The following ARHGAP24 variants were observed in gnomAD, a reference collection of about 807,000 sequenced individuals.
The protein encoded by ARHGAP24 is rho GTPase-activating protein 24.
Under a neutral mutation model 76.4 loss-of-function variants are expected in ARHGAP24, and 50 were observed. That is an observed-to-expected ratio of 0.65 (90% CI 0.52 to 0.83). ARHGAP24 has a LOEUF of 0.83. Ranked by LOEUF, ARHGAP24 falls within the 40% of genes least tolerant of loss-of-function variation. The probability of loss-of-function intolerance (pLI) is 0.00; values close to 1 mark genes in which losing one functional copy is unlikely to be tolerated. For missense variants in ARHGAP24, 930 were observed against 914.2 expected (o/e 1.02, Z -0.22); for synonymous variants, 345 against 323.3 (o/e 1.07, Z -0.72).
chr4:85,841,190 A>G (rs796587313), intron 3 of ARHGAP24, among the ~76,000 whole-genome samples: 17 of 152,306 alleles, frequency 1.1e-4, no homozygotes, highest in African/African-American at 4.1e-4. Context: ...CTTATTGGGC[A>G]TATTGCTTTC....
At chr4:85,680,264 C>G (rs1421452137) in intron 2 of ARHGAP24, among the ~76,000 whole-genome samples, 1 of 152,132 alleles carries the variant, frequency 6.6e-6, no homozygotes, top group Non-Finnish European at 1.5e-5. Flanking sequence ...TTGAACAACT[C>G]TCATTTCAAA....
intron 2 of ARHGAP24, among the ~76,000 whole-genome samples, chr4:85,607,668 A>ATTTTC (rs201732134): frequency 1.4e-4 from 21 of 146,596 alleles, no homozygotes; most frequent in East Asian, 5.9e-4. Context: ...GTCAAGCATT[A>ATTTTC]TTTTCTTTTC....
intron 3 of ARHGAP24, among the ~76,000 whole-genome samples, chr4:85,822,498 A>G (rs1729516570): frequency 6.6e-6 from 1 of 152,208 alleles, no homozygotes; most frequent in South Asian, 2.1e-4. Flanking sequence ...GCAAACAAAA[A>G]TACAAAATAA....
intron 3 of ARHGAP24, among the ~76,000 whole-genome samples, chr4:85,819,936 G>A (rs571852924): frequency 6.6e-6 from 1 of 150,528 alleles, no homozygotes; most frequent in East Asian, 1.9e-4. Flanking sequence ...CCAAGTAGAT[G>A]CCAGCATCAT....
intron 3 of ARHGAP24, among the ~76,000 whole-genome samples, chr4:85,867,314 C>A (rs1316006266): frequency 6.6e-6 from 1 of 152,020 alleles, no homozygotes; most frequent in African/African-American, 2.4e-5. Context: ...TAATCTTTAA[C>A]ATGTGGAAGT....
intron 4 of ARHGAP24, among the ~76,000 whole-genome samples, chr4:85,934,586 T>C (rs2148819589): frequency 6.6e-6 from 1 of 152,222 alleles, no homozygotes; most frequent in African/African-American, 2.4e-5. Context: ...GAAATCTTGG[T>C]TCACTGCAAC....
intron 3 of ARHGAP24, among the ~76,000 whole-genome samples, chr4:85,760,502 A>G (rs184791949): frequency 7.9e-5 from 12 of 152,296 alleles, no homozygotes; most frequent in Admixed American, 4.6e-4. Flanking sequence ...TAACTGTAGC[A>G]TTAAGTTTCC....
intron 2 of ARHGAP24, among the ~76,000 whole-genome samples, chr4:85,653,599 G>C (rs996912326): frequency 3.3e-5 from 5 of 151,934 alleles, no homozygotes; most frequent in Non-Finnish European, 7.4e-5. Context: ...TCAGCCTCCT[G>C]AGTAGCTGGG....
intron 3 of ARHGAP24, among the ~76,000 whole-genome samples, chr4:85,829,843 A>G (rs1045840881): frequency 1.3e-5 from 2 of 152,224 alleles, no homozygotes; most frequent in African/African-American, 4.8e-5. Context: ...GAAACACTAG[A>G]AAGTAAGTCA....
intron 2 of ARHGAP24, among the ~76,000 whole-genome samples, chr4:85,692,198 T>G (rs1477345464): frequency 6.6e-6 from 1 of 152,226 alleles, no homozygotes; most frequent in Non-Finnish European, 1.5e-5. Flanking sequence ...AAGAGTCCAC[T>G]GCTAGCCTGA....
chr4:85,778,248 A>C (rs1727379629), intron 3 of ARHGAP24, among the ~76,000 whole-genome samples: 1 of 152,238 alleles, frequency 6.6e-6, no homozygotes, highest in African/African-American at 2.4e-5. Flanking sequence ...GAAATTGGAG[A>C]TTAAAGGGAA....
At chr4:85,669,493 T>TA (rs1365085610) in intron 2 of ARHGAP24, among the ~76,000 whole-genome samples, 1 of 151,484 alleles carries the variant, frequency 6.6e-6, no homozygotes, top group Non-Finnish European at 1.5e-5. Context: ...GAAGCGCTGT[T>TA]AAAAAGAAGA....
At chr4:85,640,531 T>G (rs796477484) in intron 2 of ARHGAP24, among the ~76,000 whole-genome samples, 3 of 152,326 alleles carry the variant, frequency 2.0e-5, no homozygotes, top group African/African-American at 7.2e-5. Context: ...CTTAAGATTT[T>G]AATATTGACT....
At chr4:85,667,174 T>C (rs1391023934) in intron 2 of ARHGAP24, among the ~76,000 whole-genome samples, 1 of 152,202 alleles carries the variant, frequency 6.6e-6, no homozygotes, top group Non-Finnish European at 1.5e-5. Flanking sequence ...CCCAGCTGTT[T>C]TGTTTACCTA....
intron 9 of ARHGAP24, among the ~76,000 whole-genome samples, chr4:85,999,549 C>T (rs1176955365): frequency 2.6e-5 from 4 of 152,126 alleles, no homozygotes; most frequent in African/African-American, 9.7e-5. Context: ...TTTCAAATTT[C>T]AGTGGTATGG....
At chr4:85,618,488 G>A (rs1323107089) in intron 2 of ARHGAP24, among the ~76,000 whole-genome samples, 2 of 152,018 alleles carry the variant, frequency 1.3e-5, no homozygotes, top group Non-Finnish European at 2.9e-5. Context: ...ATTTCCATTG[G>A]ATATGTACCC....
At chr4:85,698,329 T>A (rs1723945429) in intron 2 of ARHGAP24, among the ~76,000 whole-genome samples, 1 of 152,104 alleles carries the variant, frequency 6.6e-6, no homozygotes, top group Non-Finnish European at 1.5e-5. Context: ...GCTGGGGGAC[T>A]AAGTGTAAGT....
intron 1 of ARHGAP24, among the ~76,000 whole-genome samples, chr4:85,558,389 C>G (rs1481773): frequency 0.85 from 129,080 of 152,208 alleles, 56,254 homozygotes; most frequent in East Asian, 0.98. Context: ...AGTAAAGCTA[C>G]ATTTCTGTTT....
At chr4:85,974,551 T>A (rs1739215902) in intron 6 of ARHGAP24, among the ~76,000 whole-genome samples, 1 of 152,208 alleles carries the variant, frequency 6.6e-6, no homozygotes, top group South Asian at 2.1e-4. Context: ...CTGGGAAGGA[T>A]GCTCACTACA....
Sources: allele counts gnomAD v4.1 joint callset (sites outside exome capture counted in the v4.1 genomes callset), GRCh38; gene constraint gnomAD v4.1.1; transcripts MANE v1.5; gene names NCBI Gene and HGNC (gene_info 2026-07-23, HGNC 2026-07-21).